ZSCAN2: variants seen among roughly 807,000 people sequenced by gnomAD.
The protein encoded by ZSCAN2 is zinc finger and SCAN domain containing 2, also known as zinc finger and SCAN domain-containing protein 2.
ZSCAN2 carries 26 observed loss-of-function variants against 47.8 expected under a neutral mutation model. The observed-to-expected ratio is 0.54, with a 90% CI of 0.40 to 0.75. The LOEUF (loss-of-function observed/expected upper bound fraction) is 0.75, where lower values mean the gene tolerates loss of function less well. ZSCAN2 is among the 30% of genes least tolerant of loss of function. The probability of loss-of-function intolerance (pLI) is 0.00; values close to 1 mark genes in which losing one functional copy is unlikely to be tolerated. For missense variants in ZSCAN2, 732 were observed against 785.4 expected (o/e 0.93, Z 0.81); for synonymous variants, 305 against 288.7 (o/e 1.06, Z -0.57).
chr15:84,606,555 G>T, intron 2 of ZSCAN2: 1 of 1,613,968 alleles, frequency 6.2e-7, no homozygotes, highest in Non-Finnish European at 8.5e-7. Flanking sequence ...TTCCCTTCCG[G>T]TGGAGGTGAC....
At chr15:84,604,530 G>C (rs1895316962) in intron 2 of ZSCAN2, among the ~76,000 whole-genome samples, 197 bp downstream of exon 2, 1 of 152,182 alleles carries the variant, frequency 6.6e-6, no homozygotes, top group African/African-American at 2.4e-5. Flanking sequence ...CTCCAGAAGT[G>C]CTAGGAGGGC....
chr15:84,616,814 TCAAAACTTGC>T (rs1217628596), intron 2 of ZSCAN2, among the ~76,000 whole-genome samples: 1 of 152,124 alleles, frequency 6.6e-6, no homozygotes, highest in African/African-American at 2.4e-5. Flanking sequence ...GGCTCTGTGC[TCAAAACTTGC>T]CAAAAAACTG....
intron 2 of ZSCAN2, chr15:84,606,313 G>T: frequency 2.0e-6 from 1 of 507,700 alleles, no homozygotes; most frequent in Non-Finnish European, 3.6e-6. Flanking sequence ...CCTGTGAGTG[G>T]CTGGCATTGT....
rs781136449 is a variant in ZSCAN2, at chr15:84,620,601, G to C, written c.407-1G>C. The C allele has an allele frequency of 1.9e-6, 3 of 1,594,022 alleles. No homozygotes were observed. On this transcript the variant is annotated splice_acceptor_variant, in intron 2 of 2. Transcript: ENST00000546148. LOFTEE classifies it high-confidence loss of function. Reference sequence around the variant, plus strand: ...TTGTATGTTTTTCTTCATTGTTTCAGATTTTGAGATACAGAGTGAAAATGG... The same window carrying C: ...TTGTATGTTTTTCTTCATTGTTTCACATTTTGAGATACAGAGTGAAAATGG...
At chr15:84,602,587 C>CTTTTTTTTTTTTTT (rs981357914) in intron 1 of ZSCAN2, among the ~76,000 whole-genome samples, 1 of 115,744 alleles carries the variant, frequency 8.6e-6, no homozygotes. Flanking sequence ...CTTTTCTTTT[C>CTTTTTTTTTTTTTT]TTTTTTTTTT....
At position 84,621,018 on chromosome 15, in the gene ZSCAN2, G is replaced by A. The variant is rs1408382365; in HGVS notation, c.823G>A (p.Glu275Lys). 1 of 1,614,116 alleles carries A rather than the reference G, an allele frequency of 6.2e-7. No homozygotes were observed. Among genetic ancestry groups the A allele is most frequent in the South Asian group, 1.1e-5 (1 of 91,082 alleles). Residue 275 changes from glutamate to lysine, a missense_variant, in exon 3 of 3, where the codon GAG becomes AAG. By Grantham distance (56) the Glu-to-Lys change is moderately conservative. Coordinates refer to ENST00000546148, the MANE Select transcript of ZSCAN2 (RefSeq NM_181877.4). This position sits in a 1 kb window ranked among gnomAD's most constrained non-coding sequence, Gnocchi z 5.7. The part of the protein sequence containing the change: ...FSRHQTTHTG[E>K]KPYKCRDCGK... ...TAGACACCAAACCACTCACACCGGG[G>A]AGAAGCCCTACAAATGCAGAGACTG... is the stretch of plus-strand genomic sequence containing the variant.
chr15:84,622,719 G>C lies in ZSCAN2; in HGVS notation c.*679G>C. The C allele has an allele frequency of 1.4e-6, 1 of 716,800 alleles. No individual in the cohort carries two copies. The highest frequency in any genetic ancestry group is 2.6e-6 in the Non-Finnish European group (1 of 384,890). The allele number at this position is 716,800 out of a possible 1,614,324, so 44.4% of individuals were successfully genotyped here. A position where few individuals can be genotyped will look rare whatever the true frequency, so the allele number is the denominator to read the frequency against. ...GTCCCAGTGTCCTTTCCATTGGTAA[G>C]AGTTGGACAGGGCCTTCAGGAAAGG... On this transcript the variant is annotated 3_prime_UTR_variant, in exon 3 of 3. Coordinates refer to ENST00000546148, the MANE Select transcript of ZSCAN2 (RefSeq NM_181877.4).
intron 2 of ZSCAN2, among the ~76,000 whole-genome samples, chr15:84,611,347 T>G (rs1167425418): frequency 6.6e-6 from 1 of 152,122 alleles, no homozygotes; most frequent in African/African-American, 2.4e-5. Context: ...TCCCAACTAC[T>G]TGGGGGCTGA....
intron 2 of ZSCAN2, chr15:84,611,591 TAAA>T (rs1305631520): frequency 6.6e-6 from 1 of 151,560 alleles, no homozygotes; most frequent in Non-Finnish European, 1.5e-5. Context: ...CTACTAAAAA[TAAA>T]AAAATTAGCT....
At chr15:84,609,527 T>C (rs950882780) in intron 2 of ZSCAN2, among the ~76,000 whole-genome samples, 5 of 152,202 alleles carry the variant, frequency 3.3e-5, no homozygotes, top group Non-Finnish European at 7.3e-5. Context: ...TTGAAAAGTA[T>C]ACCGGACAGA....
Position 84,606,191 on chromosome 15 carries a change from C to T in ZSCAN2, c.406+1858C>T, listed in dbSNP as rs16974942. Among the ~76,000 whole-genome samples, 1,421 of 152,294 alleles carry T rather than the reference C, an allele frequency of 9.3e-3. 29 individuals are homozygous for T. The highest frequency in any genetic ancestry group is 0.033 in the African/African-American group (1,376 of 41,554). ...TTTGGGGCAGAGACTATCACAAACT[C>T]CAGGGACTGGGTGAATGAGTAGAGC... On this transcript the variant is annotated intron_variant, in intron 2 of 2. Coordinates refer to ENST00000546148, the MANE Select transcript of ZSCAN2 (RefSeq NM_181877.4).
chr15:84,622,798 G>A lies in ZSCAN2; in HGVS notation c.*758G>A. On this transcript the variant is annotated 3_prime_UTR_variant, in exon 3 of 3. Transcript: ENST00000546148. Reference sequence around the variant, plus strand: ...TTTTGTCTCTGCCTACTGTCCTGTGGTAGATCAGCTACCAGGGGAACACAT... The same window carrying A: ...TTTTGTCTCTGCCTACTGTCCTGTGATAGATCAGCTACCAGGGGAACACAT... 1 of 659,374 alleles carries A rather than the reference G, an allele frequency of 1.5e-6. No individual in the cohort carries two copies. Among genetic ancestry groups the A allele is most frequent in the East Asian group, 2.7e-5 (1 of 36,710 alleles). 40.8% of individuals were successfully genotyped at this position (659,374 alleles called of 1,614,324 possible). A position where few individuals can be genotyped will look rare whatever the true frequency, so the allele number is the denominator to read the frequency against.
chr15:84,621,010 A>G lies in ZSCAN2; in HGVS notation c.815A>G (p.His272Arg), dbSNP rs755093236. ...GSNFSRHQTT[H>R]TGEKPYKCRD... ...AATTTTAGTAGACACCAAACCACTC[A>G]CACCGGGGAGAAGCCCTACAAATGC... is the stretch of plus-strand genomic sequence containing the variant. Residue 272 changes from histidine to arginine, a missense_variant, in exon 3 of 3, where the codon CAC (histidine) becomes CGC (arginine). Coordinates refer to ENST00000546148, the MANE Select transcript of ZSCAN2 (RefSeq NM_181877.4). This position sits in a 1 kb window ranked among gnomAD's most constrained non-coding sequence, Gnocchi z 5.7. The G allele has an allele frequency of 6.2e-7, 1 of 1,614,132 alleles. No homozygotes were observed.
chr15:84,606,236 C>T (rs912665321), intron 2 of ZSCAN2: 33 of 370,464 alleles, frequency 8.9e-5, no homozygotes, highest in African/African-American at 6.8e-4. Flanking sequence ...GAGAAAGGGA[C>T]TGACGCCGAA....
intron 2 of ZSCAN2, among the ~76,000 whole-genome samples, chr15:84,615,587 C>T (rs1335926362): frequency 1.3e-5 from 2 of 152,204 alleles, no homozygotes; most frequent in African/African-American, 4.8e-5. Context: ...GTCTTGGCCT[C>T]CCAAAGTGCT....
chr15:84,616,713 C>T (rs1895701483), intron 2 of ZSCAN2: 1 of 1,015,406 alleles, frequency 9.8e-7, no homozygotes, highest in South Asian at 4.6e-5. Context: ...TTACTAAAAT[C>T]ACCCAAAAAA....
chr15:84,604,605 AG>A (rs1895319135), intron 2 of ZSCAN2, among the ~76,000 whole-genome samples: 1 of 152,202 alleles, frequency 6.6e-6, no homozygotes, highest in African/African-American at 2.4e-5. Flanking sequence ...GTGGTTGGGA[AG>A]GTGATGGAAG....
In ZSCAN2 at chr15:84,604,358, G is replaced by C. The variant is rs3827937; in HGVS notation, c.406+25G>C. The stretch of plus-strand genomic sequence containing the variant: ...GGTGAGACGCAGAACCTCATAGGGA[G>C]AGGGCGGGAGCACCCTTCCAAGGTA... On this transcript the variant is annotated intron_variant, in intron 2 of 2. Coordinates refer to ENST00000546148, the MANE Select transcript of ZSCAN2 (RefSeq NM_181877.4). 541 of 1,578,712 alleles carry C rather than the reference G, an allele frequency of 3.4e-4. 9 individuals are homozygous for C. In the East Asian group the frequency reaches 0.01, roughly 31 times the overall value.
intron 2 of ZSCAN2, among the ~76,000 whole-genome samples, chr15:84,605,865 C>T (rs1195671994): frequency 6.6e-6 from 1 of 152,210 alleles, no homozygotes; most frequent in Non-Finnish European, 1.5e-5. Flanking sequence ...AGGAAATATG[C>T]TTAGCATCTA....
Sources: gnomAD v4.1 joint callset for allele counts (sites outside exome capture counted in the v4.1 genomes callset) on GRCh38, gnomAD v4.1.1 for gene constraint, Gnocchi (gnomAD v3.1) non-coding constraint, MANE v1.5 for transcripts, NCBI Gene and HGNC (gene_info 2026-07-23, HGNC 2026-07-21) for gene names.